The following SUGCT variants were observed in gnomAD, a reference collection of about 807,000 sequenced individuals.
SUGCT encodes the protein succinyl-CoA:glutarate-CoA transferase.
Under a neutral mutation model 55.0 loss-of-function variants are expected in SUGCT, and 41 were observed. The observed-to-expected ratio is 0.74, with a 90% CI of 0.58 to 0.97. The LOEUF (loss-of-function observed/expected upper bound fraction) is 0.97. Ranked by LOEUF, SUGCT falls within the 50% of genes least tolerant of loss-of-function variation. The probability of loss-of-function intolerance (pLI) is 0.00; values close to 1 mark genes in which losing one functional copy is unlikely to be tolerated. For missense variants in SUGCT, 568 were observed against 547.8 expected, an observed-to-expected ratio of 1.04 and a Z score of -0.37; for synonymous variants, 187 against 200.4, an observed-to-expected ratio of 0.93 and a Z score of 0.56.
intron 9 of SUGCT, among the ~76,000 whole-genome samples, chr7:40,324,227 AT>A (rs1315773358): frequency 9.8e-6 from 1 of 102,066 alleles, no homozygotes; most frequent in East Asian, 3.0e-4. Context: ...GCAGATGATC[AT>A]ATATATAAAT....
chr7:40,615,060 GAAA>G (rs796707326), intron 12 of SUGCT, among the ~76,000 whole-genome samples: 1 of 90,104 alleles, frequency 1.1e-5, no homozygotes, highest in Non-Finnish European at 2.5e-5. Context: ...CATCTCAAAA[GAAA>G]AAAAAAAAAG....
the SUGCT span, among the ~76,000 whole-genome samples, chr7:40,959,438 T>A: frequency 2.0e-5 from 3 of 152,220 alleles, no homozygotes; most frequent in African/African-American, 7.2e-5. Context: ...CTGCCCAGTT[T>A]GAACTTCCAG....
intron 9 of SUGCT, among the ~76,000 whole-genome samples, chr7:40,328,779 G>A (rs1357262262): frequency 6.6e-6 from 1 of 152,036 alleles, no homozygotes. Context: ...GTATGTGTAT[G>A]TGTTTTGGAG....
At chr7:41,028,124 G>A in the SUGCT span, among the ~76,000 whole-genome samples, 27 of 152,230 alleles carry the variant, frequency 1.8e-4, no homozygotes, top group African/African-American at 5.8e-4. Context: ...CAGGTATTGA[G>A]GCAGTGCCTC....
chr7:40,949,508 T>A, the SUGCT span, among the ~76,000 whole-genome samples: 1 of 152,216 alleles, frequency 6.6e-6, no homozygotes, highest in African/African-American at 2.4e-5. Context: ...GCTTTCGGTG[T>A]TTTAGTCGTG....
chr7:40,140,701 A>G (rs1483389868), intron 1 of SUGCT, among the ~76,000 whole-genome samples: 2 of 151,986 alleles, frequency 1.3e-5, no homozygotes, highest in Admixed American at 6.5e-5. Flanking sequence ...ACCTGGCCCT[A>G]TGTGTCTGTT....
At chr7:40,249,312 G>GCTATCTATATCTATATAT (rs1421104147) in intron 7 of SUGCT, among the ~76,000 whole-genome samples, 101 of 22,188 alleles carry the variant, frequency 4.6e-3, no homozygotes, top group South Asian at 0.018. Flanking sequence ...ACACCAAAAA[G>GCTATCTATATCTATATAT]CTATATATAT....
At chr7:40,844,147 G>T (rs1793433913) in intron 13 of SUGCT, among the ~76,000 whole-genome samples, 2 of 152,154 alleles carry the variant, frequency 1.3e-5, no homozygotes, top group Admixed American at 1.3e-4. Context: ...TGCTGTCTGG[G>T]AAGGGGTGTC....
chr7:40,504,161 TA>T (rs1792456967), intron 12 of SUGCT, among the ~76,000 whole-genome samples: 1 of 152,194 alleles, frequency 6.6e-6, no homozygotes, highest in Non-Finnish European at 1.5e-5. Flanking sequence ...TCTGGAGACT[TA>T]AAGTACAGTA....
In SUGCT at chr7:40,417,710, G is replaced by A. The variant is rs571549509; in HGVS notation, c.817-31577G>A. On this transcript the variant is annotated intron_variant, in intron 9 of 13. Coordinates refer to ENST00000335693, the MANE Select transcript of SUGCT (RefSeq NM_001193313.2). ...TATTTATGTATTTATATAAAATCTT[G>A]TTTGACTGTATTATTCATGCTATTA... 5.3e-4 allele frequency among the ~76,000 whole-genome samples: 51 copies of A among 96,354 alleles called. No individual in the cohort carries two copies. The East Asian group carries it at 0.016, about 30-fold the overall frequency. 63.2% of individuals were successfully genotyped at this position (96,354 alleles called of 152,430 possible).
At chr7:40,832,918 C>G (rs903495221) in intron 13 of SUGCT, among the ~76,000 whole-genome samples, 4 of 152,064 alleles carry the variant, frequency 2.6e-5, no homozygotes, top group African/African-American at 9.7e-5. Flanking sequence ...TTGTGACCAG[C>G]CTGCCTCAGC....
At chr7:40,475,914 T>C (rs1275719655) in intron 11 of SUGCT, among the ~76,000 whole-genome samples, 1 of 152,166 alleles carries the variant, frequency 6.6e-6, no homozygotes, top group Non-Finnish European at 1.5e-5. Context: ...ATTGATTGTT[T>C]CATTCATCCA....
intron 9 of SUGCT, among the ~76,000 whole-genome samples, chr7:40,376,063 T>G (rs1174032879): frequency 2.0e-5 from 3 of 152,220 alleles, no homozygotes; most frequent in Non-Finnish European, 2.9e-5. Context: ...TGTATAGATA[T>G]CTCATGAAAA....
At chr7:40,926,036 T>C in the SUGCT span, among the ~76,000 whole-genome samples, 1 of 151,848 alleles carries the variant, frequency 6.6e-6, no homozygotes, top group Admixed American at 6.6e-5. Context: ...GAGGTTGCAG[T>C]GAACTATGAT....
intron 13 of SUGCT, among the ~76,000 whole-genome samples, chr7:40,823,637 G>C (rs1162305453): frequency 6.6e-6 from 1 of 151,972 alleles, no homozygotes; most frequent in Non-Finnish European, 1.5e-5. Context: ...TTTCATCCTT[G>C]AGTAGAAAAT....
intron 8 of SUGCT, among the ~76,000 whole-genome samples, chr7:40,296,406 T>C (rs1794146154): frequency 1.3e-5 from 2 of 152,350 alleles, no homozygotes; most frequent in South Asian, 4.1e-4. Context: ...CAAAATGTTG[T>C]GTACCCATGT....
At chr7:40,463,332 A>G (rs566688655) in intron 11 of SUGCT, among the ~76,000 whole-genome samples, 1 of 152,334 alleles carries the variant, frequency 6.6e-6, no homozygotes, top group South Asian at 2.1e-4. Context: ...ATTCGAAGAC[A>G]GTGAAAACAG....
chr7:40,911,710 A>C, the SUGCT span, among the ~76,000 whole-genome samples: 2 of 152,176 alleles, frequency 1.3e-5, no homozygotes, highest in Non-Finnish European at 2.9e-5. Flanking sequence ...TTTCCTCCCA[A>C]TTAGTGACAA....
chr7:40,230,840 T>C (rs114695748), intron 6 of SUGCT, among the ~76,000 whole-genome samples: 1,814 of 152,298 alleles, frequency 0.012, 39 homozygotes, highest in African/African-American at 0.041. Context: ...GGTTCAAATC[T>C]AAGCTCTGTT....
Sources: gnomAD v4.1 joint callset for allele counts (sites outside exome capture counted in the v4.1 genomes callset) on GRCh38, gnomAD v4.1.1 for gene constraint, MANE v1.5 for transcripts, NCBI Gene and HGNC (gene_info 2026-07-23, HGNC 2026-07-21) for gene names.